PMS1: variants seen among roughly 807,000 people sequenced by gnomAD.
PMS1 encodes PMS1 homolog 1, mismatch repair system component.
PMS1 carries 79 observed loss-of-function variants against 93.1 expected under a neutral mutation model. That is an observed-to-expected ratio of 0.85 (90% CI 0.71 to 1.02). The LOEUF (loss-of-function observed/expected upper bound fraction) is 1.02. Among genes scored for constraint, PMS1 ranks in the 50% least tolerant of loss-of-function variants. The probability of loss-of-function intolerance (pLI) is 0.00; values close to 1 mark genes in which losing one functional copy is unlikely to be tolerated. For missense variants in PMS1, 1,064 were observed against 1,085.3 expected (o/e 0.98, Z 0.28); for synonymous variants, 335 against 363.4 (o/e 0.92, Z 0.89).
At position 189,809,462 on chromosome 2, in the gene PMS1, T is replaced by C. The variant is rs976587814; in HGVS notation, c.418+3708T>C. Among the ~76,000 whole-genome samples the C allele has an allele frequency of 8.2e-4, 122 of 147,896 alleles. 3 individuals are homozygous for C. The highest frequency in any genetic ancestry group is 2.9e-3 in the African/African-American group (115 of 40,234). On this transcript the variant is annotated intron_variant, in intron 4 of 12. Coordinates refer to ENST00000441310, the MANE Select transcript of PMS1 (RefSeq NM_000534.5). ...AAGCACATTTCTTTTTTTTTTTTTT[T>C]TTTTTTTTTTTTGCTTTTTGAGACA...
intron 4 of PMS1, chr2:189,806,902 T>C: frequency 4.7e-6 from 1 of 212,874 alleles, no homozygotes; most frequent in Non-Finnish European, 9.5e-6. Flanking sequence ...GTTTTGTTGT[T>C]GTTGTTTATC....
At chr2:189,788,871 A>C (rs2048600382) in intron 1 of PMS1, among the ~76,000 whole-genome samples, 1 of 152,212 alleles carries the variant, frequency 6.6e-6, no homozygotes, top group African/African-American at 2.4e-5. Flanking sequence ...GACAGTGCAG[A>C]TCTGTCCCTT....
chr2:189,816,728 C>T (rs1005719398), intron 4 of PMS1, among the ~76,000 whole-genome samples: 6 of 152,196 alleles, frequency 3.9e-5, no homozygotes, highest in South Asian at 2.1e-4. Flanking sequence ...AAGTCTTATA[C>T]GTTCCTTATG....
Position 189,852,713 on chromosome 2 carries a change from C to G in PMS1, c.758C>G (p.Ser253Ter). ...CDADHSFTSL[S>*]TPERSFIFIN... ...GCAGACCACTCTTTCACTAGTCTTT[C>G]AACACCAGAAAGAAGTTTCATCTTC... The change falls in exon 7 of 13, where the codon TCA (serine) becomes TGA (stop). Residue 253 changes from serine to a stop codon, truncating the protein, a stop_gained. Coordinates refer to ENST00000441310, the MANE Select transcript of PMS1 (RefSeq NM_000534.5). LOFTEE classifies it high-confidence loss of function. The G allele has an allele frequency of 1.3e-6, 2 of 1,589,704 alleles. No individual in the cohort carries two copies. The highest frequency in any genetic ancestry group is 1.7e-6 in the Non-Finnish European group (2 of 1,158,112).
intron 5 of PMS1, among the ~76,000 whole-genome samples, chr2:189,827,398 T>C (rs1277673120): frequency 6.6e-6 from 1 of 152,188 alleles, no homozygotes; most frequent in Non-Finnish European, 1.5e-5. Flanking sequence ...TAAAACTCTT[T>C]GATTTTTAAG....
chr2:189,813,061 A>G (rs1195650911), intron 4 of PMS1, among the ~76,000 whole-genome samples: 2 of 152,188 alleles, frequency 1.3e-5, no homozygotes, highest in Non-Finnish European at 2.9e-5. Context: ...ATTTTGTCTT[A>G]CTGTAAGATA....
chr2:189,865,754 A>C (rs2056599922), intron 10 of PMS1, among the ~76,000 whole-genome samples: 1 of 152,206 alleles, frequency 6.6e-6, no homozygotes. Flanking sequence ...TTTTTAACTT[A>C]ATATTTCTTT....
Position 189,844,032 on chromosome 2 carries a change from T to C in PMS1, c.651T>C (p.Ala217=). The C allele has an allele frequency of 6.2e-7, 1 of 1,614,042 alleles. No individual in the cohort carries two copies. Among genetic ancestry groups the C allele is most frequent in the Non-Finnish European group, 8.5e-7 (1 of 1,179,956 alleles). The change falls in exon 6 of 13, where the codon GCT becomes GCC. Residue 217 remains alanine (A), a synonymous_variant. Transcript: ENST00000441310. The part of the protein sequence containing the change: ...KMALMSVLGT[A]VMNNMESFQY... ...CTCTCATGTCAGTTCTGGGGACTGC[T>C]GTTATGAACAATATGGAATCCTTTC...
intron 4 of PMS1, among the ~76,000 whole-genome samples, chr2:189,816,814 C>G (rs2051344860): frequency 6.6e-6 from 1 of 152,136 alleles, no homozygotes; most frequent in African/African-American, 2.4e-5. Context: ...GCAACTTCAG[C>G]CTTTTTGACT....
At chr2:189,830,260 T>C (rs2052805632) in intron 5 of PMS1, among the ~76,000 whole-genome samples, 1 of 152,222 alleles carries the variant, frequency 6.6e-6, no homozygotes. Flanking sequence ...ATCTGATGCC[T>C]CCTTTACCTC....
chr2:189,841,278 T>C (rs1282928526), intron 5 of PMS1, among the ~76,000 whole-genome samples: 1 of 152,218 alleles, frequency 6.6e-6, no homozygotes, highest in Non-Finnish European at 1.5e-5. Flanking sequence ...CAGTAGTACC[T>C]AACAAAGAAT....
intron 5 of PMS1, among the ~76,000 whole-genome samples, chr2:189,828,080 C>A (rs953366412): frequency 6.7e-6 from 1 of 149,260 alleles, no homozygotes; most frequent in African/African-American, 2.5e-5. Context: ...CCTACCACCA[C>A]GCCCGGCTAA....
At chr2:189,801,915 C>T (rs774368688) in intron 3 of PMS1, among the ~76,000 whole-genome samples, 29 of 152,134 alleles carry the variant, frequency 1.9e-4, no homozygotes, top group Admixed American at 7.2e-4. Flanking sequence ...AGTATTTCAC[C>T]TCCGCATTCT....
chr2:189,868,304 T>G (rs2056844182), intron 11 of PMS1, among the ~76,000 whole-genome samples: 1 of 152,226 alleles, frequency 6.6e-6, no homozygotes, highest in South Asian at 2.1e-4. Context: ...ATCTTTGCTT[T>G]TCAAAAAACA....
chr2:189,812,240 G>A (rs1000186803), intron 4 of PMS1, among the ~76,000 whole-genome samples: 3 of 152,212 alleles, frequency 2.0e-5, no homozygotes, highest in African/African-American at 7.2e-5. Flanking sequence ...GGCGGAGGTT[G>A]CAGTTAGCCG....
chr2:189,873,571 T>C lies in PMS1; in HGVS notation c.2549T>C (p.Leu850Ser). The C allele has an allele frequency of 6.2e-7, 1 of 1,600,948 alleles. No individual in the cohort carries two copies. ...NCLPFYGVAD[L>S]KEILNAILNR... is the part of the protein sequence containing the mutation. ...CTCCCATTCTATGGAGTAGCAGATT[T>C]AAAAGAAATTCTTAATGCTATATTA... The change falls in exon 12 of 13, where the codon TTA becomes TCA. Residue 850 changes from leucine to serine, a missense_variant. Leu to Ser is a moderately radical substitution (Grantham distance 145). Transcript: ENST00000441310.
intron 2 of PMS1, among the ~76,000 whole-genome samples, chr2:189,794,695 T>C (rs962504658): frequency 2.0e-5 from 3 of 152,216 alleles, no homozygotes; most frequent in African/African-American, 7.2e-5. Context: ...AAATTTAGAA[T>C]ATGGTGTTCA....
intron 5 of PMS1, among the ~76,000 whole-genome samples, chr2:189,830,688 CAAAT>C (rs1302400956): frequency 6.6e-6 from 1 of 152,140 alleles, no homozygotes; most frequent in Non-Finnish European, 1.5e-5. Flanking sequence ...AAAAACATGT[CAAAT>C]GAATGAGGGC....
At chr2:189,858,424 C>G (rs1429062589) in intron 9 of PMS1, among the ~76,000 whole-genome samples, 1 of 152,166 alleles carries the variant, frequency 6.6e-6, no homozygotes, top group African/African-American at 2.4e-5. Context: ...GACTTGACTT[C>G]TGGTCAAATC....
Sources: gnomAD v4.1 joint callset for allele counts (sites outside exome capture counted in the v4.1 genomes callset) on GRCh38, gnomAD v4.1.1 for gene constraint, MANE v1.5 for transcripts, NCBI Gene and HGNC (gene_info 2026-07-23, HGNC 2026-07-21) for gene names.